Variants in PRKD1 observed in about 807,000 individuals in gnomAD.
The protein encoded by PRKD1 is serine/threonine-protein kinase D1.
PRKD1 carries 63 observed loss-of-function variants against 95.9 expected under a neutral mutation model. The ratio of observed to expected loss-of-function variants is 0.66; its 90% confidence interval spans 0.54 to 0.81. The LOEUF is 0.81. Among genes scored for constraint, PRKD1 ranks in the 30% least tolerant of loss-of-function variants. The pLI is 0.00. For missense variants in PRKD1, 1,048 were observed against 1,165.3 expected (o/e 0.90, Z 1.47); for synonymous variants, 425 against 423.1 (o/e 1.00, Z -0.05).
chr14:29,698,850 T>G (rs1352271296), intron 2 of PRKD1, among the ~76,000 whole-genome samples: 1 of 152,038 alleles, frequency 6.6e-6, no homozygotes, highest in Non-Finnish European at 1.5e-5. Flanking sequence ...CCTCATGAAG[T>G]AAAAGAAACT....
chr14:29,916,716 C>A (rs1894902310), intron 1 of PRKD1, among the ~76,000 whole-genome samples: 1 of 152,108 alleles, frequency 6.6e-6, no homozygotes, highest in African/African-American at 2.4e-5. Flanking sequence ...AAGATGATAC[C>A]AGCTTTGCAC....
rs575572570 is a variant in PRKD1, at chr14:29,621,471, C to A, written c.1905+2681G>T. Among the ~76,000 whole-genome samples, 3 of 147,844 alleles carry A rather than the reference C, an allele frequency of 2.0e-5. No homozygotes were observed. In the South Asian group the frequency reaches 6.5e-4, roughly 32 times the overall value. On this transcript the variant is annotated intron_variant, in intron 13 of 17. Transcript: ENST00000331968. Reference sequence around the variant, plus strand: ...CTTTCCTTCTTTTTTGGTTCATTTTCATTTGGGGGACATGATTAGTTTCCT... The same window carrying A: ...CTTTCCTTCTTTTTTGGTTCATTTTAATTTGGGGGACATGATTAGTTTCCT...
chr14:29,842,779 C>T (rs1448784906), intron 1 of PRKD1, among the ~76,000 whole-genome samples: 1 of 152,112 alleles, frequency 6.6e-6, no homozygotes, highest in Non-Finnish European at 1.5e-5. Context: ...TATGAGCATA[C>T]CAAGCATGAA....
chr14:29,906,031 T>A (rs979763882), intron 1 of PRKD1, among the ~76,000 whole-genome samples: 2 of 152,102 alleles, frequency 1.3e-5, no homozygotes, highest in Non-Finnish European at 2.9e-5. Flanking sequence ...ACATGAGGTG[T>A]AAATCTGGAT....
At chr14:29,870,614 T>C (rs934293530) in intron 1 of PRKD1, among the ~76,000 whole-genome samples, 8 of 152,202 alleles carry the variant, frequency 5.3e-5, no homozygotes, top group African/African-American at 1.7e-4. Flanking sequence ...ATTCCTTTCA[T>C]TTGCTTTGTA....
chr14:29,655,986 G>A (rs755127987), intron 4 of PRKD1, among the ~76,000 whole-genome samples: 2 of 151,146 alleles, frequency 1.3e-5, no homozygotes, highest in Non-Finnish European at 2.9e-5. Flanking sequence ...CTGTAAACAA[G>A]CAGTTACAGC....
chr14:29,813,818 G>C (rs535219327), intron 1 of PRKD1, among the ~76,000 whole-genome samples: 1 of 152,240 alleles, frequency 6.6e-6, no homozygotes, highest in South Asian at 2.1e-4. Flanking sequence ...GTCAGACGAT[G>C]TTCATAGCCA....
At chr14:29,609,531 CACACACATAT>C (rs1210837414) in intron 13 of PRKD1, among the ~76,000 whole-genome samples, 1 of 148,340 alleles carries the variant, frequency 6.7e-6, no homozygotes, top group African/African-American at 2.5e-5. Context: ...CACACACACA[CACACACATAT>C]ATATATTTTA....
intron 13 of PRKD1, among the ~76,000 whole-genome samples, chr14:29,601,361 C>A (rs949602904): frequency 6.6e-6 from 1 of 152,174 alleles, no homozygotes; most frequent in Admixed American, 6.6e-5. Context: ...CTCTTTGATT[C>A]TGATGCCTTG....
chr14:29,792,479 C>T (rs777280461), intron 1 of PRKD1, among the ~76,000 whole-genome samples: 1 of 152,018 alleles, frequency 6.6e-6, no homozygotes, highest in African/African-American at 2.4e-5. Flanking sequence ...AATGTTGTTA[C>T]AAATATTTAT....
intron 1 of PRKD1, among the ~76,000 whole-genome samples, chr14:29,828,997 A>AG (rs1334132721): frequency 6.6e-6 from 1 of 152,198 alleles, no homozygotes; most frequent in African/African-American, 2.4e-5. Context: ...GCTTTCTCTT[A>AG]GGGGGCCTCT....
intron 16 of PRKD1, among the ~76,000 whole-genome samples, chr14:29,578,953 A>G (rs1892665025): frequency 6.6e-6 from 1 of 152,152 alleles, no homozygotes. Flanking sequence ...TTTGCTTTCA[A>G]AAATAACCAA....
intron 4 of PRKD1, among the ~76,000 whole-genome samples, chr14:29,651,509 A>G (rs1466728793): frequency 1.3e-5 from 2 of 152,122 alleles, no homozygotes; most frequent in African/African-American, 4.8e-5. Flanking sequence ...CAGTAAAATA[A>G]TGTATCTAAA....
chr14:29,770,930 CAAAAAAA>C (rs753745571), intron 1 of PRKD1, among the ~76,000 whole-genome samples: 13 of 47,164 alleles, frequency 2.8e-4, no homozygotes, highest in Non-Finnish European at 5.3e-4. Flanking sequence ...AGACACTGTC[CAAAAAAA>C]AAAAAAAAAA....
chr14:29,884,607 C>T (rs1224512992), intron 1 of PRKD1, among the ~76,000 whole-genome samples: 1 of 152,118 alleles, frequency 6.6e-6, no homozygotes, highest in African/African-American at 2.4e-5. Flanking sequence ...TGCCTATTTG[C>T]CCCAAAGACA....
intron 2 of PRKD1, among the ~76,000 whole-genome samples, chr14:29,723,015 C>T (rs1171342106): frequency 1.3e-5 from 2 of 152,140 alleles, no homozygotes; most frequent in Non-Finnish European, 2.9e-5. Flanking sequence ...AAGAGGAGTG[C>T]TACCAAGTGG....
intron 13 of PRKD1, among the ~76,000 whole-genome samples, chr14:29,614,150 C>T (rs1315208589): frequency 6.6e-6 from 1 of 152,110 alleles, no homozygotes; most frequent in Non-Finnish European, 1.5e-5. Context: ...TACTAGGGTG[C>T]TTTGCCATGG....
intron 13 of PRKD1, among the ~76,000 whole-genome samples, chr14:29,609,749 G>A (rs1594359426): frequency 7.2e-6 from 1 of 138,464 alleles, no homozygotes; most frequent in Non-Finnish European, 1.5e-5. Context: ...AGTAGAGACA[G>A]GGTTTCACTA....
At chr14:29,851,438 T>C (rs574191395) in intron 1 of PRKD1, among the ~76,000 whole-genome samples, 1 of 152,034 alleles carries the variant, frequency 6.6e-6, no homozygotes, top group Non-Finnish European at 1.5e-5. Flanking sequence ...ACAATTCTCA[T>C]GAGAAGACAT....
Sources: allele counts gnomAD v4.1 joint callset (sites outside exome capture counted in the v4.1 genomes callset), GRCh38; gene constraint gnomAD v4.1.1; transcripts MANE v1.5; gene names NCBI Gene and HGNC (gene_info 2026-07-23, HGNC 2026-07-21).